The following NAA15 variants were observed in gnomAD, a reference collection of about 807,000 sequenced individuals.
NAA15 encodes N-terminal acetyltransferase.
NAA15 carries 34 observed loss-of-function variants against 114.0 expected under a neutral mutation model. The ratio of observed to expected loss-of-function variants is 0.30; its 90% CI spans 0.23 to 0.40. NAA15 has a LOEUF of 0.40. Among genes scored for constraint, NAA15 ranks in the 10% least tolerant of loss-of-function variants. NAA15 has a pLI of 1.00. For synonymous variants in NAA15, 340 were observed against 338.0 expected (o/e 1.01, Z -0.06); for missense variants, 658 against 1,004.5 (o/e 0.66, Z 4.66).
At chr4:139,377,365 C>T (rs749070078) in intron 16 of NAA15, among the ~76,000 whole-genome samples, 3 of 152,006 alleles carry the variant, frequency 2.0e-5, no homozygotes, top group East Asian at 1.9e-4. Context: ...GGAGAAACCC[C>T]GTCTCTACTA....
intron 1 of NAA15, among the ~76,000 whole-genome samples, chr4:139,323,053 CTTTTT>C (rs67137305): frequency 7.7e-5 from 9 of 117,478 alleles, no homozygotes; most frequent in Non-Finnish European, 1.6e-4. Flanking sequence ...CTTTTCTTTT[CTTTTT>C]TTTTTTTTTT....
chr4:139,339,330 A>G (rs1747304716), intron 3 of NAA15, among the ~76,000 whole-genome samples: 2 of 151,860 alleles, frequency 1.3e-5, no homozygotes, highest in Admixed American at 1.3e-4. Flanking sequence ...CCTCGTCTCT[A>G]TGGAAAATAA....
chr4:139,334,071 A>T (rs1747118798), intron 1 of NAA15, 103 bp from the exon 2 acceptor site: 1 of 702,738 alleles, frequency 1.4e-6, no homozygotes, highest in African/African-American at 1.9e-5. Flanking sequence ...AGCATATGGA[A>T]ATAGCATTCT....
chr4:139,353,093 C>G (rs1303986819), intron 9 of NAA15, among the ~76,000 whole-genome samples: 2 of 152,154 alleles, frequency 1.3e-5, no homozygotes, highest in Non-Finnish European at 2.9e-5. Flanking sequence ...TAGATCTAAA[C>G]TGGTTAAAAA....
rs1749042598 is a variant in NAA15, at chr4:139,390,911, T to C, written c.*2827T>C. 1 of 152,180 alleles carries C rather than the reference T, an allele frequency of 6.6e-6. No individual in the cohort carries two copies. The highest frequency in any genetic ancestry group is 2.4e-5 in the African/African-American group (1 of 41,434). The allele number at this position is 152,180 out of a possible 1,614,324, so 9.4% of individuals were successfully genotyped here. ...TATTAGAGCTGTGAAATGAAAGCTGTGACTTTATGAAGAGATCAAAAAAAG... is the reference window on the plus strand; with the variant it reads ...TATTAGAGCTGTGAAATGAAAGCTGCGACTTTATGAAGAGATCAAAAAAAG... On this transcript the variant is annotated 3_prime_UTR_variant, in exon 20 of 20. Transcript: ENST00000296543.
chr4:139,349,228 GA>G (rs1271488619), intron 6 of NAA15, among the ~76,000 whole-genome samples: 1 of 152,106 alleles, frequency 6.6e-6, no homozygotes, highest in Admixed American at 6.6e-5. Context: ...CAGATTTTCT[GA>G]ATAAATTGAG....
intron 14 of NAA15, among the ~76,000 whole-genome samples, chr4:139,368,521 C>T (rs1253888502): frequency 1.3e-5 from 2 of 152,206 alleles, no homozygotes; most frequent in African/African-American, 4.8e-5. Flanking sequence ...GGCATCAGTT[C>T]TTGGCCATAC....
Position 139,301,684 on chromosome 4 carries a change from A to G in NAA15, c.-94A>G. 1 of 1,425,644 alleles carries G rather than the reference A, an allele frequency of 7.0e-7. No individual in the cohort carries two copies. Among genetic ancestry groups the G allele is most frequent in the Non-Finnish European group, 9.5e-7 (1 of 1,049,274 alleles). 88.3% of individuals were successfully genotyped at this position (1,425,644 alleles called of 1,614,324 possible). A position where few individuals can be genotyped will look rare whatever the true frequency, so the allele number is the denominator to read the frequency against. The stretch of plus-strand genomic sequence containing the variant: ...TGGTGGCGGCGGATCGAGATATTCA[A>G]GGCTGAAGCAGCTACGGAACGGCAG... On this transcript the variant is annotated 5_prime_UTR_variant, in exon 1 of 20. Transcript: ENST00000296543.
chr4:139,376,563 C>T (rs1003025365), intron 16 of NAA15, 90 bp downstream of exon 16: 31 of 797,356 alleles, frequency 3.9e-5, no homozygotes, highest in Non-Finnish European at 5.5e-5. Flanking sequence ...TACCACTGTA[C>T]GATTATTTAG....
intron 3 of NAA15, among the ~76,000 whole-genome samples, chr4:139,339,086 C>T (rs768213922): frequency 6.6e-6 from 1 of 152,106 alleles, no homozygotes; most frequent in East Asian, 1.9e-4. Context: ...GCTGGGATTA[C>T]AGGTGTGAGC....
rs1397956760 is a variant in NAA15, at chr4:139,361,867, T to A, written c.1683T>A (p.Ala561=). 1.2e-6 allele frequency: 2 copies of A among 1,613,702 alleles called. No homozygotes were observed. Among genetic ancestry groups the A allele is most frequent in the African/African-American group, 1.3e-5 (1 of 74,922 alleles). The change falls in exon 14 of 20, where the codon GCT becomes GCA. Residue 561 remains alanine (A), a synonymous_variant. Coordinates refer to ENST00000296543, the MANE Select transcript of NAA15 (RefSeq NM_057175.5). ...HPFYFKAARI[A]IEIYLKLHDN... ...TTTACTTCAAGGCAGCAAGAATTGC[T>A]ATAGAGATCTATTTGAAGCTTCATG...
intron 1 of NAA15, among the ~76,000 whole-genome samples, chr4:139,306,310 G>A (rs1283136816): frequency 6.6e-6 from 1 of 152,030 alleles, no homozygotes; most frequent in Non-Finnish European, 1.5e-5. Flanking sequence ...TGTGATCTTG[G>A]CTCACTGCAA....
intron 16 of NAA15, among the ~76,000 whole-genome samples, chr4:139,378,256 A>G (rs1226525050): frequency 6.6e-6 from 1 of 152,198 alleles, no homozygotes. Context: ...GTGTGGGGAT[A>G]GCATAGGGAA....
In NAA15 at chr4:139,341,953, C is replaced by G. The variant is rs115081389; in HGVS notation, c.403-873C>G. On this transcript the variant is annotated intron_variant, in intron 4 of 19. Transcript: ENST00000296543. Reference sequence around the variant, plus strand: ...CTCAGGCTGGTCTTGAACTCCTGAGCTCAGGCAGTCCACCCCACCTTATTC... The same window carrying G: ...CTCAGGCTGGTCTTGAACTCCTGAGGTCAGGCAGTCCACCCCACCTTATTC... 7.1e-3 allele frequency among the ~76,000 whole-genome samples: 1,088 copies of G among 152,184 alleles called. 7 individuals are homozygous for G. Among genetic ancestry groups the G allele is most frequent in the East Asian group, 0.03 (153 of 5,162 alleles).
chr4:139,339,271 G>C (rs529121066), intron 3 of NAA15, among the ~76,000 whole-genome samples: 2 of 151,876 alleles, frequency 1.3e-5, no homozygotes, highest in African/African-American at 4.8e-5. Context: ...CTGAGGCAGC[G>C]ATCACTTGAG....
In NAA15 at chr4:139,342,843, A is replaced by C; in HGVS notation, c.420A>C (p.Leu140Phe). 6.2e-7 allele frequency: 1 copy of C among 1,610,914 alleles called. No individual in the cohort carries two copies. The highest frequency in any genetic ancestry group is 8.5e-7 in the Non-Finnish European group (1 of 1,179,046). Residue 140 changes from leucine (L) to phenylalanine (F), a missense_variant, in exon 5 of 20, where the codon TTA becomes TTC. Physicochemically the swap from Leu to Phe is conservative, Grantham distance 22 (BLOSUM62 0). Coordinates refer to ENST00000296543, the MANE Select transcript of NAA15 (RefSeq NM_057175.5). Reference sequence around the variant, plus strand: ...TTTTAAAGGAAACGAGGTATCAGTTACTTCAGCTTCGACCTGCGCAGAGAG... The same window carrying C: ...TTTTAAAGGAAACGAGGTATCAGTTCCTTCAGCTTCGACCTGCGCAGAGAG... Reference protein sequence around the residue: ...LEGYRETRYQLLQLRPAQRAS... With the variant: ...LEGYRETRYQFLQLRPAQRAS...
chr4:139,337,156 TGG>T (rs1747225535), intron 3 of NAA15, among the ~76,000 whole-genome samples: 2 of 152,164 alleles, frequency 1.3e-5, no homozygotes, highest in Non-Finnish European at 2.9e-5. Flanking sequence ...CACAGATAAA[TGG>T]AACTTGCCTT....
At chr4:139,306,615 TTTG>T (rs757863326) in intron 1 of NAA15, among the ~76,000 whole-genome samples, 2 of 152,022 alleles carry the variant, frequency 1.3e-5, no homozygotes, top group Non-Finnish European at 2.9e-5. Flanking sequence ...TTTGTTTTGT[TTTG>T]TTTTGTTTTG....
At chr4:139,382,572 G>A (rs1579140053) in intron 17 of NAA15, among the ~76,000 whole-genome samples, 1 of 152,048 alleles carries the variant, frequency 6.6e-6, no homozygotes, top group African/African-American at 2.4e-5. Flanking sequence ...AATTTTTATT[G>A]TACAGAAGAT....
Sources: allele counts gnomAD v4.1 joint callset (sites outside exome capture counted in the v4.1 genomes callset), GRCh38; gene constraint gnomAD v4.1.1; transcripts MANE v1.5; gene names NCBI Gene and HGNC (gene_info 2026-07-23, HGNC 2026-07-21).